Variants in KMT2E observed in about 807,000 individuals in gnomAD.
KMT2E encodes lysine methyltransferase 2E (inactive).
In KMT2E, 30 loss-of-function variants were observed where a neutral mutation model predicts 184.6. The observed-to-expected ratio is 0.16, with a 90% CI of 0.12 to 0.22. KMT2E has a LOEUF of 0.22. Ranked by LOEUF, KMT2E falls within the 10% of genes least tolerant of loss-of-function variation. KMT2E has a pLI of 1.00. For missense variants in KMT2E, 2,023 were observed against 2,237.4 expected (o/e 0.90, Z 1.93); for synonymous variants, 815 against 776.5 (o/e 1.05, Z -0.82).
Position 105,113,529 on chromosome 7 carries a change from C to A in KMT2E, c.*196C>A. On this transcript the variant is annotated 3_prime_UTR_variant, in exon 27 of 27. Coordinates refer to ENST00000311117, the MANE Select transcript of KMT2E (RefSeq NM_182931.3). ...GTGCTGTTAAGCCAGTATTAGGTAT[C>A]TTTATTTTGTAAGTGAACATTCCAG... 2.0e-6 allele frequency: 1 copy of A among 503,304 alleles called. No individual in the cohort carries two copies. The highest frequency in any genetic ancestry group is 3.3e-6 in the Non-Finnish European group (1 of 300,800). 31.2% of individuals were successfully genotyped at this position (503,304 alleles called of 1,614,324 possible).
chr7:105,064,255 C>T (rs939804491), intron 5 of KMT2E: 4 of 267,532 alleles, frequency 1.5e-5, no homozygotes, highest in Non-Finnish European at 2.7e-5. Context: ...CTGAAAGTTA[C>T]TGAGTTTATC....
At chr7:105,024,019 A>G (rs1795072140) in intron 1 of KMT2E, among the ~76,000 whole-genome samples, 1 of 152,214 alleles carries the variant, frequency 6.6e-6, no homozygotes, top group Non-Finnish European at 1.5e-5. Flanking sequence ...TCATTACATT[A>G]TGATAATACT....
intron 4 of KMT2E, 61 bp downstream of exon 4, chr7:105,062,339 A>T (rs1562899920): frequency 9.3e-7 from 1 of 1,071,884 alleles, no homozygotes; most frequent in African/African-American, 1.6e-5. Context: ...AAGTAGATGC[A>T]TGTGATACTG....
chr7:105,103,017 A>G (rs1315407894), intron 17 of KMT2E: 3 of 152,188 alleles, frequency 2.0e-5, no homozygotes, highest in African/African-American at 4.8e-5. Flanking sequence ...ATTAGAGACA[A>G]TCTAAACACA....
chr7:105,041,658 C>T (rs756872015), intron 3 of KMT2E, among the ~76,000 whole-genome samples: 2 of 152,178 alleles, frequency 1.3e-5, no homozygotes, highest in Non-Finnish European at 2.9e-5. Context: ...CTCGGACTCC[C>T]AAAGTGTTGG....
At chr7:105,023,903 G>A (rs1795064722) in intron 1 of KMT2E, among the ~76,000 whole-genome samples, 1 of 152,066 alleles carries the variant, frequency 6.6e-6, no homozygotes, top group South Asian at 2.1e-4. Flanking sequence ...GTAATTCTAG[G>A]GCAAAGCGGT....
chr7:105,048,476 G>A (rs1796195299), intron 3 of KMT2E, among the ~76,000 whole-genome samples: 1 of 151,822 alleles, frequency 6.6e-6, no homozygotes, highest in Admixed American at 6.6e-5. Flanking sequence ...TTAAAAACCT[G>A]GGTCAACATG....
At chr7:105,043,095 TTTAAGTCCAG>T (rs1795949899) in intron 3 of KMT2E, among the ~76,000 whole-genome samples, 1 of 152,204 alleles carries the variant, frequency 6.6e-6, no homozygotes, top group South Asian at 2.1e-4. Flanking sequence ...AAGAACATCC[TTTAAGTCCAG>T]TTTCTGAGGA....
Position 105,090,036 on chromosome 7 carries a change from C to G in KMT2E, c.1386C>G (p.Leu462=). Residue 462 remains leucine (L), a synonymous_variant, in exon 14 of 27, where the codon CTC becomes CTG. Transcript: ENST00000311117. ...AGTACAAGGTGGACTGTGCATGCCT[C>G]AAAGAAAACCCAGAGTGCCCTGTTC... is the stretch of plus-strand genomic sequence containing the variant. ...NCKYKVDCAC[L]KENPECPVLK... is the part of the protein sequence containing the mutation. 1.2e-6 allele frequency: 2 copies of G among 1,612,980 alleles called. No homozygotes were observed. The highest frequency in any genetic ancestry group is 4.5e-5 in the East Asian group (2 of 44,822).
At chr7:105,101,678 T>A in intron 16 of KMT2E, 89 bp downstream of exon 16, 1 of 1,143,886 alleles carries the variant, frequency 8.7e-7, no homozygotes, top group Admixed American at 3.4e-5. Context: ...GAATTTAAAA[T>A]AATGTCTATT....
chr7:105,051,059 T>C (rs528642554), intron 3 of KMT2E, among the ~76,000 whole-genome samples: 3 of 150,754 alleles, frequency 2.0e-5, no homozygotes, highest in Admixed American at 1.3e-4. Flanking sequence ...CTTTCTTTCC[T>C]TTTCTTTCTT....
intron 1 of KMT2E, among the ~76,000 whole-genome samples, chr7:105,020,291 C>G (rs892814460): frequency 1.3e-5 from 2 of 152,104 alleles, no homozygotes; most frequent in Admixed American, 6.5e-5. Context: ...GTGGTACTTA[C>G]AACTTTAAAG....
At chr7:105,014,565 C>T (rs1794628187) in intron 1 of KMT2E, 30 bp downstream of exon 1, 1 of 152,112 alleles carries the variant, frequency 6.6e-6, no homozygotes, top group East Asian at 1.9e-4. Flanking sequence ...ATGGGAGTTC[C>T]TGGGGCTTGC....
chr7:105,092,870 A>G (rs1419244794), intron 15 of KMT2E, among the ~76,000 whole-genome samples: 2 of 152,048 alleles, frequency 1.3e-5, no homozygotes, highest in Non-Finnish European at 2.9e-5. Flanking sequence ...TAAGGGCTGT[A>G]GTGACCACTT....
chr7:105,091,264 G>A lies in KMT2E; in HGVS notation c.1672G>A (p.Glu558Lys). Reference sequence around the variant, plus strand: ...AGAAGAAAAAACTCCTATTAGTAATGAAGTAGAAATGGAATCAGAGGAGCA... The same window carrying A: ...AGAAGAAAAAACTCCTATTAGTAATAAAGTAGAAATGGAATCAGAGGAGCA... ...DIEEKTPISN[E>K]VEMESEEQIA... The change falls in exon 15 of 27, where the codon GAA (glutamate) becomes AAA (lysine). Residue 558 changes from glutamate (E) to lysine (K), a missense_variant. Glu to Lys is a moderately conservative substitution (Grantham distance 56). Transcript: ENST00000311117. The A allele has an allele frequency of 6.2e-7, 1 of 1,606,262 alleles. No homozygotes were observed. Among genetic ancestry groups the A allele is most frequent in the Non-Finnish European group, 8.5e-7 (1 of 1,173,252 alleles).
intron 15 of KMT2E, among the ~76,000 whole-genome samples, chr7:105,091,928 A>G (rs1484151334): frequency 1.3e-5 from 2 of 152,244 alleles, no homozygotes; most frequent in Non-Finnish European, 2.9e-5. Flanking sequence ...AGCATTTGAT[A>G]TATCAGCCAG....
chr7:105,097,531 GC>G (rs1224337403), intron 15 of KMT2E, among the ~76,000 whole-genome samples: 1 of 152,030 alleles, frequency 6.6e-6, no homozygotes, highest in Admixed American at 6.6e-5. Flanking sequence ...GATTACAGGT[GC>G]CCACCACCAC....
intron 6 of KMT2E, among the ~76,000 whole-genome samples, chr7:105,068,849 T>C (rs1019192809): frequency 3.3e-5 from 5 of 152,134 alleles, no homozygotes; most frequent in Admixed American, 3.3e-4. Context: ...GCTTGTTGAA[T>C]CTTAGCCTTT....
At chr7:105,062,930 A>G (rs2129567188) in intron 4 of KMT2E, among the ~76,000 whole-genome samples, 1 of 151,810 alleles carries the variant, frequency 6.6e-6, no homozygotes, top group South Asian at 2.1e-4. Flanking sequence ...TATATGTTTT[A>G]TAGTGATAAA....
Sources: gnomAD v4.1 joint callset for allele counts (sites outside exome capture counted in the v4.1 genomes callset) on GRCh38, gnomAD v4.1.1 for gene constraint, MANE v1.5 for transcripts, NCBI Gene and HGNC (gene_info 2026-07-23, HGNC 2026-07-21) for gene names.